Variants in RBMS3 observed in about 807,000 individuals in gnomAD.
The protein encoded by RBMS3 is RNA binding motif single stranded interacting protein 3.
RBMS3 carries 27 observed loss-of-function variants against 66.8 expected under a neutral mutation model. That is an observed-to-expected ratio of 0.40 (90% CI 0.30 to 0.56). The LOEUF (loss-of-function observed/expected upper bound fraction) is 0.56. Among genes scored for constraint, RBMS3 ranks in the 20% least tolerant of loss-of-function variants. The probability of loss-of-function intolerance (pLI) is 0.40; values close to 1 mark genes in which losing one functional copy is unlikely to be tolerated. For synonymous variants in RBMS3, 188 were observed against 183.0 expected (o/e 1.03, Z -0.22); for missense variants, 513 against 549.5 (o/e 0.93, Z 0.66).
chr3:29,842,306 A>T (rs1433982377), intron 6 of RBMS3, among the ~76,000 whole-genome samples: 1 of 152,148 alleles, frequency 6.6e-6, no homozygotes, highest in African/African-American at 2.4e-5. Context: ...GAAACTTGTC[A>T]TTAAAGTTTT....
chr3:29,425,273 C>T (rs1230614184), intron 1 of RBMS3, among the ~76,000 whole-genome samples: 1 of 149,058 alleles, frequency 6.7e-6, no homozygotes, highest in African/African-American at 2.5e-5. Flanking sequence ...AGTTGGGAGG[C>T]TGAGTCAGGA....
chr3:29,921,806 C>T (rs2060787576), intron 10 of RBMS3, among the ~76,000 whole-genome samples: 1 of 152,084 alleles, frequency 6.6e-6, no homozygotes, highest in Non-Finnish European at 1.5e-5. Context: ...GTCTACAAGC[C>T]TTCATCATAT....
At position 29,371,393 on chromosome 3, in the gene RBMS3, G is replaced by T. The variant is rs186911351; in HGVS notation, c.76-63350G>T. On this transcript the variant is annotated intron_variant, in intron 1 of 14. Transcript: ENST00000383767. ...GAAAAAGCAAAAACATGTACTTGAT[G>T]GTCCAGACAAGTTTATGAACCAGAA... Among the ~76,000 whole-genome samples, 10 of 152,242 alleles carry T rather than the reference G, an allele frequency of 6.6e-5. No homozygotes were observed. The East Asian group carries it at 1.9e-3, about 29-fold the overall frequency.
chr3:29,828,011 T>C (rs2058253855), intron 6 of RBMS3, among the ~76,000 whole-genome samples: 1 of 152,048 alleles, frequency 6.6e-6, no homozygotes, highest in African/African-American at 2.4e-5. Flanking sequence ...GTTCATATAT[T>C]TTTGCTTCAG....
chr3:29,901,457 T>C (rs2060251123), intron 10 of RBMS3, among the ~76,000 whole-genome samples: 1 of 151,792 alleles, frequency 6.6e-6, no homozygotes, highest in African/African-American at 2.4e-5. Flanking sequence ...TGTCAAACTA[T>C]GTAAGATTCT....
At chr3:29,926,196 G>A (rs1358783144) in intron 10 of RBMS3, among the ~76,000 whole-genome samples, 1 of 152,126 alleles carries the variant, frequency 6.6e-6, no homozygotes, top group Non-Finnish European at 1.5e-5. Flanking sequence ...AAGCATGTTA[G>A]CAATAATAAT....
At chr3:29,369,746 T>C (rs1043335117) in intron 1 of RBMS3, among the ~76,000 whole-genome samples, 1 of 152,098 alleles carries the variant, frequency 6.6e-6, no homozygotes, top group Admixed American at 6.6e-5. Flanking sequence ...GAATAGATTA[T>C]TGATCCTAGA....
At chr3:29,832,228 G>T (rs893487218) in intron 6 of RBMS3, among the ~76,000 whole-genome samples, 1 of 152,118 alleles carries the variant, frequency 6.6e-6, no homozygotes, top group Non-Finnish European at 1.5e-5. Flanking sequence ...CAAAGAGAGA[G>T]GTGGAAGGAG....
intron 4 of RBMS3, among the ~76,000 whole-genome samples, chr3:29,730,620 G>A (rs997616862): frequency 3.9e-5 from 6 of 151,990 alleles, no homozygotes; most frequent in Admixed American, 2.6e-4. Context: ...AGTCTTTATC[G>A]ATAAATCAGT....
intron 6 of RBMS3, among the ~76,000 whole-genome samples, chr3:29,846,037 A>G (rs1171962005): frequency 2.0e-5 from 3 of 152,046 alleles, no homozygotes. Context: ...GACTGTAAAG[A>G]TAAGTAGTGA....
At chr3:29,288,095 A>G in intron 1 of RBMS3, among the ~76,000 whole-genome samples, 1 of 152,066 alleles carries the variant, frequency 6.6e-6, no homozygotes, top group Middle Eastern at 3.2e-3. Context: ...TAATAAAAGA[A>G]AGATAATAGA....
intron 1 of RBMS3, among the ~76,000 whole-genome samples, chr3:29,400,040 G>A (rs2039738350): frequency 6.6e-6 from 1 of 152,098 alleles, no homozygotes; most frequent in Admixed American, 6.6e-5. Flanking sequence ...AGATGCAGAA[G>A]CAGAAAGATT....
chr3:29,969,717 GAGCC>G (rs1697101001), intron 12 of RBMS3, among the ~76,000 whole-genome samples: 1 of 152,092 alleles, frequency 6.6e-6, no homozygotes, highest in Non-Finnish European at 1.5e-5. Context: ...ACTAACTGTA[GAGCC>G]AATCACATTG....
At chr3:29,370,125 A>G (rs1473500455) in intron 1 of RBMS3, among the ~76,000 whole-genome samples, 4 of 152,186 alleles carry the variant, frequency 2.6e-5, no homozygotes, top group African/African-American at 9.7e-5. Flanking sequence ...TGACTTGTCT[A>G]TAGATGTAAA....
chr3:29,954,898 T>C (rs1297176926), intron 12 of RBMS3, among the ~76,000 whole-genome samples: 4 of 152,152 alleles, frequency 2.6e-5, no homozygotes, highest in African/African-American at 9.6e-5. Flanking sequence ...TCTTCAAGAA[T>C]ATGTTAATAG....
intron 4 of RBMS3, among the ~76,000 whole-genome samples, chr3:29,707,845 T>C (rs901254078): frequency 6.6e-6 from 1 of 152,232 alleles, no homozygotes; most frequent in Non-Finnish European, 1.5e-5. Flanking sequence ...CTTTTCATTT[T>C]AGAAAGCCTA....
chr3:29,759,546 G>A (rs573677383), intron 5 of RBMS3, among the ~76,000 whole-genome samples: 4 of 152,214 alleles, frequency 2.6e-5, no homozygotes, highest in African/African-American at 7.2e-5. Flanking sequence ...TGTGTCTGGT[G>A]TGCTGTCTTT....
chr3:29,775,813 A>G (rs563563800), intron 6 of RBMS3, among the ~76,000 whole-genome samples: 1 of 152,138 alleles, frequency 6.6e-6, no homozygotes, highest in Admixed American at 6.6e-5. Flanking sequence ...TGAACACTGT[A>G]TATTATTAGT....
chr3:29,420,824 G>A (rs988393371), intron 1 of RBMS3, among the ~76,000 whole-genome samples: 3 of 151,838 alleles, frequency 2.0e-5, no homozygotes, highest in African/African-American at 7.3e-5. Context: ...GCTATTATCG[G>A]CCAGGCACGG....
Sources: allele counts gnomAD v4.1 joint callset (sites outside exome capture counted in the v4.1 genomes callset), GRCh38; gene constraint gnomAD v4.1.1; transcripts MANE v1.5; gene names NCBI Gene and HGNC (gene_info 2026-07-23, HGNC 2026-07-21).